Variants in GNAL observed in about 807,000 individuals in gnomAD.
GNAL encodes the protein guanine nucleotide-binding protein G(olf) subunit alpha.
A neutral mutation model predicts 55.1 loss-of-function variants in GNAL; 18 were observed. The observed-to-expected ratio is 0.33, with a 90% CI of 0.23 to 0.48. The LOEUF (loss-of-function observed/expected upper bound fraction) is 0.48. Ranked by LOEUF, GNAL falls within the 20% of genes least tolerant of loss-of-function variation. GNAL has a pLI of 0.99. For synonymous variants in GNAL, 253 were observed against 237.0 expected (o/e 1.07, Z -0.62); for missense variants, 412 against 614.1 (o/e 0.67, Z 3.48).
chr18:11,710,711 A>G (rs1012788525), intron 1 of GNAL, among the ~76,000 whole-genome samples: 2 of 151,782 alleles, frequency 1.3e-5, no homozygotes, highest in Non-Finnish European at 2.9e-5. Flanking sequence ...AACGTTGAAT[A>G]TATCATCCCA....
At chr18:11,818,093 T>C (rs1020927667) in intron 4 of GNAL, among the ~76,000 whole-genome samples, 1 of 145,822 alleles carries the variant, frequency 6.9e-6, no homozygotes, top group African/African-American at 2.5e-5. Context: ...ATTAGCCGGG[T>C]GTGGTGGCTC....
At chr18:11,799,920 ACTGT>A (rs2034480175) in intron 4 of GNAL, among the ~76,000 whole-genome samples, 1 of 151,128 alleles carries the variant, frequency 6.6e-6, no homozygotes, top group African/African-American at 2.4e-5. Flanking sequence ...CTCACTCTTC[ACTGT>A]CTTTCCCTCC....
intron 6 of GNAL, among the ~76,000 whole-genome samples, chr18:11,863,545 G>A (rs1307152943): frequency 6.6e-6 from 1 of 152,072 alleles, no homozygotes; most frequent in Non-Finnish European, 1.5e-5. Flanking sequence ...TAACTTACCT[G>A]TCCTAAACAG....
chr18:11,690,118 G>T lies in GNAL; in HGVS notation c.376+179G>T, dbSNP rs919271798. On this transcript the variant is annotated intron_variant, in intron 1 of 11. Transcript: ENST00000334049. ...GGACGGGCTACAGAGCGTTTAAACT[G>T]TGGGTGGAATGGTTCCCCTGACCTA... 7.3e-5 allele frequency among the ~76,000 whole-genome samples: 11 copies of T among 149,958 alleles called. 1 individual carries two copies. The highest frequency in any genetic ancestry group is 2.5e-4 in the African/African-American group (10 of 39,438).
chr18:11,884,010 T>C lies in GNAL; in HGVS notation c.*2875T>C. ...CCGGCCACATCTGTACTTTTAAGGGTACAGCTTTACAGTACATAGGAATTT... is the reference window on the plus strand; with the variant it reads ...CCGGCCACATCTGTACTTTTAAGGGCACAGCTTTACAGTACATAGGAATTT... On this transcript the variant is annotated 3_prime_UTR_variant, in exon 12 of 12. Transcript: ENST00000334049. 6.3e-6 allele frequency: 1 copy of C among 158,234 alleles called. No individual in the cohort carries two copies. Among genetic ancestry groups the C allele is most frequent in the Non-Finnish European group, 1.4e-5 (1 of 71,606 alleles). The allele number at this position is 158,234 out of a possible 1,614,324, so 9.8% of individuals were successfully genotyped here.
intron 1 of GNAL, among the ~76,000 whole-genome samples, chr18:11,693,552 G>T (rs1183766271): frequency 2.6e-5 from 4 of 152,124 alleles, no homozygotes; most frequent in Non-Finnish European, 5.9e-5. Flanking sequence ...GGAAATTTTT[G>T]AGTCAGAAAT....
chr18:11,839,082 A>G (rs191225584), intron 5 of GNAL, among the ~76,000 whole-genome samples: 14 of 152,228 alleles, frequency 9.2e-5, no homozygotes, highest in Non-Finnish European at 2.1e-4. Context: ...TAAACTGTTC[A>G]TTATGATGGG....
At chr18:11,823,503 C>T (rs761113176) in intron 4 of GNAL, among the ~76,000 whole-genome samples, 1 of 152,230 alleles carries the variant, frequency 6.6e-6, no homozygotes, top group Non-Finnish European at 1.5e-5. Context: ...CTCACTTCTA[C>T]TCCCCTTCCA....
intron 1 of GNAL, among the ~76,000 whole-genome samples, chr18:11,730,932 CT>C (rs983053224): frequency 6.6e-6 from 1 of 152,158 alleles, no homozygotes; most frequent in African/African-American, 2.4e-5. Context: ...CTTTAGCAAG[CT>C]TTCATAGTTT....
At chr18:11,744,053 C>A (rs1222148968) in intron 1 of GNAL, among the ~76,000 whole-genome samples, 1 of 152,092 alleles carries the variant, frequency 6.6e-6, no homozygotes, top group African/African-American at 2.4e-5. Flanking sequence ...GCCTTTCCAC[C>A]TTCTAACACA....
intron 1 of GNAL, among the ~76,000 whole-genome samples, chr18:11,716,793 T>C (rs2031977080): frequency 6.6e-6 from 1 of 152,130 alleles, no homozygotes; most frequent in African/African-American, 2.4e-5. Context: ...TTGAGCTAGA[T>C]ACAGAGTGCC....
In GNAL at chr18:11,751,745, C is replaced by T. The variant is rs2032839350; in HGVS notation, c.377-1108C>T. On this transcript the variant is annotated intron_variant, in intron 1 of 11. Transcript: ENST00000334049. The surrounding 1 kb of genome is among the most constrained non-coding windows in gnomAD (Gnocchi z 4.5). ...CCGGCCGGGCTCCGTGGGGGGTCAGCTCCCTGACCCCTACAGCGCGGTAGC... is the reference window on the plus strand; with the variant it reads ...CCGGCCGGGCTCCGTGGGGGGTCAGTTCCCTGACCCCTACAGCGCGGTAGC... 2 of 741,422 alleles carry T rather than the reference C, an allele frequency of 2.7e-6. No homozygotes were observed. Among genetic ancestry groups the T allele is most frequent in the Non-Finnish European group, 3.3e-6 (2 of 606,650 alleles). The allele number at this position is 741,422 out of a possible 1,614,324, so 45.9% of individuals were successfully genotyped here. A position where few individuals can be genotyped will look rare whatever the true frequency, so the allele number is the denominator to read the frequency against.
chr18:11,848,466 T>C (rs370965426), intron 5 of GNAL, among the ~76,000 whole-genome samples: 98 of 151,588 alleles, frequency 6.5e-4, no homozygotes, highest in Non-Finnish European at 1.2e-3. Context: ...CTTTTCTTTT[T>C]TTTTTTTTGA....
At chr18:11,810,399 A>C (rs952436876) in intron 4 of GNAL, 2 of 152,390 alleles carry the variant, frequency 1.3e-5, no homozygotes, top group Non-Finnish European at 2.9e-5. Context: ...TGTCTCAAAA[A>C]AACCCTTGTT....
At chr18:11,808,811 T>C (rs1322231179) in intron 4 of GNAL, among the ~76,000 whole-genome samples, 2 of 152,266 alleles carry the variant, frequency 1.3e-5, no homozygotes, top group South Asian at 2.1e-4. Flanking sequence ...TGGAATGCCG[T>C]TCGGCAATAA....
intron 5 of GNAL, among the ~76,000 whole-genome samples, chr18:11,841,659 A>G (rs58471713): frequency 0.063 from 9,453 of 149,262 alleles, 458 homozygotes; most frequent in African/African-American, 0.13. Flanking sequence ...AAAAAAAAAA[A>G]AAAGAAAGAA....
At chr18:11,768,482 T>C (rs1305831087) in intron 4 of GNAL, among the ~76,000 whole-genome samples, 1 of 151,364 alleles carries the variant, frequency 6.6e-6, no homozygotes, top group Non-Finnish European at 1.5e-5. Flanking sequence ...ATGCCTGTAA[T>C]CCCAGCTACT....
At chr18:11,880,844 G>A in intron 11 of GNAL, 145 bp from the exon 12 acceptor site, 1 of 777,768 alleles carries the variant, frequency 1.3e-6, no homozygotes, top group Non-Finnish European at 2.1e-6. Context: ...CTTGCATTGA[G>A]ACCATTCCTG....
At chr18:11,800,235 G>A (rs1209539941) in intron 4 of GNAL, among the ~76,000 whole-genome samples, 2 of 152,078 alleles carry the variant, frequency 1.3e-5, no homozygotes, top group African/African-American at 4.8e-5. Context: ...TACAAGTGAT[G>A]ATAGATGGAA....
Sources: gnomAD v4.1 joint callset for allele counts (sites outside exome capture counted in the v4.1 genomes callset) on GRCh38, gnomAD v4.1.1 for gene constraint, Gnocchi (gnomAD v3.1) non-coding constraint, MANE v1.5 for transcripts, NCBI Gene and HGNC (gene_info 2026-07-23, HGNC 2026-07-21) for gene names.